Variants in DMXL1 observed in about 807,000 individuals in gnomAD.
DMXL1 encodes dmX-like protein 1.
In DMXL1, 99 loss-of-function variants were observed where a neutral mutation model predicts 319.2. That is an observed-to-expected ratio of 0.31 (90% CI 0.26 to 0.37). DMXL1 has a LOEUF of 0.37. DMXL1 is among the 10% of genes least tolerant of loss of function. The probability of loss-of-function intolerance (pLI) is 1.00; values close to 1 mark genes in which losing one functional copy is unlikely to be tolerated. For synonymous variants in DMXL1, 1,385 were observed against 1,235.2 expected, an observed-to-expected ratio of 1.12 and a Z score of -2.54; for missense variants, 3,745 against 3,595.6, an observed-to-expected ratio of 1.04 and a Z score of -1.06.
chr5:119,110,938 G>A (rs966832733), intron 5 of DMXL1, among the ~76,000 whole-genome samples: 6 of 152,082 alleles, frequency 3.9e-5, no homozygotes, highest in African/African-American at 7.2e-5. Flanking sequence ...ACAGGCACGC[G>A]CCACCACATC....
In DMXL1 at chr5:119,196,385, G is replaced by A; in HGVS notation, c.7472G>A (p.Arg2491Gln). Residue 2491 changes from arginine (R) to glutamine (Q), a missense_variant, in exon 31 of 44, where the codon CGG becomes CAG. Arg to Gln is a conservative substitution (Grantham distance 43, BLOSUM62 1). Transcript: ENST00000539542. ...TTTATTTTTAGTTGGTCCTTGATGC[G>A]GTTGGCGATGGTGCAATTGGTGCTC... ...NSNSYSWSLM[R>Q]LAMVQLVLNN... is the part of the protein sequence containing the mutation. The A allele has an allele frequency of 1.9e-6, 3 of 1,613,624 alleles. No individual in the cohort carries two copies. The highest frequency in any genetic ancestry group is 1.1e-5 in the South Asian group (1 of 91,072).
At chr5:119,185,366 AAGATATTTATTATTTCATTTTTAT>A (rs1172110263) in intron 28 of DMXL1, among the ~76,000 whole-genome samples, 1 of 152,138 alleles carries the variant, frequency 6.6e-6, no homozygotes, top group African/African-American at 2.4e-5. Flanking sequence ...ACTTTCTATT[AAGATATTTATTATTTCATTTTTAT>A]AGATATTTAT....
intron 19 of DMXL1, among the ~76,000 whole-genome samples, chr5:119,163,655 C>A (rs922966008): frequency 5.3e-5 from 8 of 152,342 alleles, no homozygotes; most frequent in African/African-American, 1.9e-4. Context: ...GTGGCACAAT[C>A]TCGGCTCACT....
intron 1 of DMXL1, among the ~76,000 whole-genome samples, chr5:119,085,794 T>G (rs1480807627): frequency 6.6e-6 from 1 of 152,210 alleles, no homozygotes; most frequent in Admixed American, 6.5e-5. Flanking sequence ...AGTTTTTCCC[T>G]ATTTAGAATG....
chr5:119,160,645 A>G (rs764154995), intron 19 of DMXL1, among the ~76,000 whole-genome samples: 5 of 152,138 alleles, frequency 3.3e-5, no homozygotes, highest in Admixed American at 2.0e-4. Flanking sequence ...ATTGTAATCT[A>G]TCTCTCCCTT....
At chr5:119,219,560 A>ATTTATTTATTTATTTATTT (rs200458602) in intron 35 of DMXL1, among the ~76,000 whole-genome samples, 144 of 151,124 alleles carry the variant, frequency 9.5e-4, no homozygotes, top group African/African-American at 3.2e-3. Context: ...ACATTTAATT[A>ATTTATTTATTTATTTATTT]ATTAATTAAT....
At chr5:119,074,757 T>A (rs907875168) in intron 1 of DMXL1, among the ~76,000 whole-genome samples, 8 of 152,218 alleles carry the variant, frequency 5.3e-5, no homozygotes, top group African/African-American at 1.9e-4. Flanking sequence ...CATTAACCAG[T>A]CTTGCCTTGT....
At chr5:119,194,734 C>G (rs1779305966) in intron 30 of DMXL1, among the ~76,000 whole-genome samples, 1 of 151,858 alleles carries the variant, frequency 6.6e-6, no homozygotes, top group African/African-American at 2.4e-5. Flanking sequence ...CTGCACAACT[C>G]AACAACAAAA....
intron 34 of DMXL1, among the ~76,000 whole-genome samples, chr5:119,215,629 A>G (rs1053990842): frequency 1.3e-5 from 2 of 151,794 alleles, no homozygotes; most frequent in East Asian, 3.9e-4. Flanking sequence ...ACCACACCTG[A>G]CCTTAGTTGC....
chr5:119,204,072 T>C (rs1376567467), intron 33 of DMXL1, among the ~76,000 whole-genome samples: 1 of 152,194 alleles, frequency 6.6e-6, no homozygotes, highest in East Asian at 1.9e-4. Flanking sequence ...TCCACCCGCC[T>C]CAGCCTCCCA....
chr5:119,242,408 C>CT (rs1164969747), intron 42 of DMXL1, among the ~76,000 whole-genome samples: 22 of 152,240 alleles, frequency 1.4e-4, no homozygotes, highest in Non-Finnish European at 3.1e-4. Flanking sequence ...AGACATAAAT[C>CT]TAACAAAATA....
intron 43 of DMXL1, among the ~76,000 whole-genome samples, chr5:119,245,633 G>A (rs1266928955): frequency 4.0e-5 from 6 of 149,574 alleles, no homozygotes; most frequent in East Asian, 4.0e-4. Context: ...TCCACCTCCC[G>A]GGTTCAAGCG....
In DMXL1 at chr5:119,170,595, C is replaced by G; in HGVS notation, c.5804C>G (p.Ser1935Cys). ...TCACTGATAAATGGTTTTGGATCTT[C>G]TTCAGAGGGTTCCTCAGAGAAGCAA... ...SQSLINGFGS[S>C]SEGSSEKQSN... Residue 1935 changes from serine to cysteine, a missense_variant, in exon 24 of 44, where the codon TCT becomes TGT. Physicochemically the swap from Ser to Cys is moderately radical, Grantham distance 112. Around this residue, in one of 4 missense-constraint regions of DMXL1, gnomAD observed 1,382 missense variants for 1,269.5 expected, o/e 1.09. Coordinates refer to ENST00000539542, the MANE Select transcript of DMXL1 (RefSeq NM_001290321.3). The G allele has an allele frequency of 2.5e-6, 4 of 1,613,808 alleles. No individual in the cohort carries two copies. The highest frequency in any genetic ancestry group is 1.7e-5 in the Admixed American group (1 of 59,984).
rs1258179176 is a variant in DMXL1 at position 119,116,353 on chromosome 5, T to C, written c.743+17T>C. The C allele has an allele frequency of 1.2e-6, 2 of 1,608,458 alleles. No individual in the cohort carries two copies. The highest frequency in any genetic ancestry group is 2.7e-5 in the African/African-American group (2 of 74,740). On this transcript the variant is annotated intron_variant, in intron 7 of 43. Coordinates refer to ENST00000539542, the MANE Select transcript of DMXL1 (RefSeq NM_001290321.3). ...TATGCCTAGGTCAGTGGATTGGTCA[T>C]TTCCCTCCACATATTAAGGGAGCAT...
At chr5:119,105,080 G>T in intron 3 of DMXL1, 100 bp from the exon 4 acceptor site, 1 of 724,682 alleles carries the variant, frequency 1.4e-6, no homozygotes, top group Non-Finnish European at 2.4e-6. Flanking sequence ...CTTTAAAATT[G>T]ACTGCCTGTG....
chr5:119,188,554 T>C (rs923596784), intron 28 of DMXL1, among the ~76,000 whole-genome samples: 2 of 152,248 alleles, frequency 1.3e-5, no homozygotes, highest in African/African-American at 4.8e-5. Flanking sequence ...GTTTAAGTTT[T>C]AGAATGTGTG....
intron 1 of DMXL1, among the ~76,000 whole-genome samples, chr5:119,076,387 A>G (rs991081173): frequency 6.6e-6 from 1 of 151,736 alleles, no homozygotes; most frequent in Non-Finnish European, 1.5e-5. Flanking sequence ...AATTGGGAGG[A>G]TGGGAAGGTG....
rs756412961 is a variant in DMXL1, at chr5:119,244,360, A to T, written c.8706A>T (p.Ala2902=). The change falls in exon 43 of 44, where the codon GCA becomes GCT. Residue 2902 remains alanine (A), a splice_region_variant and synonymous_variant. Transcript: ENST00000539542. ...GTTTTTTTTTTAATTTACTTTCAGC[A>T]TTTACCTGCCATGACAGTGGAGCCA... ...LVAPANSLVH[A]FTCHDSGATV... is the part of the protein sequence containing the mutation. The T allele has an allele frequency of 2.5e-6, 4 of 1,607,446 alleles. No homozygotes were observed. The highest frequency in any genetic ancestry group is 3.4e-6 in the Non-Finnish European group (4 of 1,177,530).
intron 35 of DMXL1, among the ~76,000 whole-genome samples, chr5:119,218,038 CA>C (rs772331703): frequency 3.9e-5 from 6 of 151,956 alleles, no homozygotes. Context: ...GCCCCTTAGC[CA>C]GTTGTAATAT....
Sources: allele counts gnomAD v4.1 joint callset (sites outside exome capture counted in the v4.1 genomes callset), GRCh38; gene constraint gnomAD v4.1.1; regional missense constraint gnomAD v4.1.1; transcripts MANE v1.5; gene names NCBI Gene and HGNC (gene_info 2026-07-23, HGNC 2026-07-21).